The following PCDHGA3 variants were observed in gnomAD, a reference collection of about 807,000 sequenced individuals.
PCDHGA3 encodes protocadherin gamma-A3.
Under a neutral mutation model 58.5 loss-of-function variants are expected in PCDHGA3, and 40 were observed. The observed-to-expected ratio is 0.68, with a 90% CI of 0.53 to 0.89. The LOEUF (loss-of-function observed/expected upper bound fraction) is 0.89. Among genes scored for constraint, PCDHGA3 ranks in the 40% least tolerant of loss-of-function variants. The probability of loss-of-function intolerance (pLI) is 0.00; values close to 1 mark genes in which losing one functional copy is unlikely to be tolerated. For synonymous variants in PCDHGA3, 530 were observed against 525.7 expected (o/e 1.01, Z -0.11); for missense variants, 1,223 against 1,195.9 (o/e 1.02, Z -0.33).
chr5:141,360,688 A>T, intron 1 of PCDHGA3: 1 of 1,613,902 alleles, frequency 6.2e-7, no homozygotes, highest in Non-Finnish European at 8.5e-7. Context: ...TGAGAAACAG[A>T]CTCCAGATGG....
chr5:141,357,627 T>A, intron 1 of PCDHGA3: 1 of 1,613,408 alleles, frequency 6.2e-7, no homozygotes, highest in South Asian at 1.1e-5. Flanking sequence ...TTCAGGTGAG[T>A]CAATCTTATA....
intron 1 of PCDHGA3, chr5:141,375,115 A>G (rs987989099): frequency 1.2e-6 from 2 of 1,613,958 alleles, no homozygotes; most frequent in Non-Finnish European, 1.7e-6. Flanking sequence ...ATGATAATGT[A>G]CCAGAAGTGG....
intron 1 of PCDHGA3, chr5:141,398,042 T>C: frequency 6.7e-7 from 1 of 1,495,000 alleles, no homozygotes; most frequent in East Asian, 2.4e-5. Context: ...CTAAAGCCCG[T>C]TCGGAGATCC....
chr5:141,372,357 T>C (rs756040915), intron 1 of PCDHGA3: 19 of 1,613,806 alleles, frequency 1.2e-5, no homozygotes, highest in Non-Finnish European at 1.4e-5. Context: ...GCAGCCTCTT[T>C]CAGCCACCGT....
chr5:141,402,281 C>A (rs1589453227), intron 1 of PCDHGA3, among the ~76,000 whole-genome samples: 1 of 151,846 alleles, frequency 6.6e-6, no homozygotes, highest in African/African-American at 2.4e-5. Flanking sequence ...AGTGGATAAT[C>A]TATCCTTATA....
chr5:141,404,555 A>G (rs751841732), intron 1 of PCDHGA3: 1 of 1,613,802 alleles, frequency 6.2e-7, no homozygotes, highest in African/African-American at 1.3e-5. Flanking sequence ...GGTGACGGCA[A>G]GTGACAGTGG....
chr5:141,394,962 A>G (rs971000405), intron 1 of PCDHGA3: 8 of 1,613,710 alleles, frequency 5.0e-6, no homozygotes, highest in Non-Finnish European at 6.8e-6. Context: ...GCTCAGGCTG[A>G]GGCGCTGGCA....
chr5:141,485,543 G>C lies in PCDHGA3; in HGVS notation c.2425-9264G>C. 1.9e-6 allele frequency: 3 copies of C among 1,614,092 alleles called. No homozygotes were observed. The highest frequency in any genetic ancestry group is 2.5e-6 in the Non-Finnish European group (3 of 1,179,972). On this transcript the variant is annotated intron_variant, in intron 1 of 3. Coordinates refer to ENST00000253812, the MANE Select transcript of PCDHGA3 (RefSeq NM_018916.4). This position sits in a 1 kb window ranked among gnomAD's most constrained non-coding sequence, Gnocchi z 5.7. Reference sequence around the variant, plus strand: ...AATGTACCGAGCAGAGGTAGAGATCGTAGATGTGAATGATCACGCCCCCCG... The same window carrying C: ...AATGTACCGAGCAGAGGTAGAGATCCTAGATGTGAATGATCACGCCCCCCG...
At chr5:141,375,232 C>A in intron 1 of PCDHGA3, 1 of 1,613,986 alleles carries the variant, frequency 6.2e-7, no homozygotes, top group South Asian at 1.1e-5. Context: ...GCCTGGTAAC[C>A]TGTTCCATCC....
At chr5:141,510,862 C>T (rs764422869) in intron 3 of PCDHGA3, 85 bp from the exon 4 acceptor site, 22 of 1,606,772 alleles carry the variant, frequency 1.4e-5, no homozygotes, top group Non-Finnish European at 1.7e-5. Flanking sequence ...GCTGTATAGG[C>T]ATTCATTAAC....
chr5:141,349,032 C>A (rs894627559), intron 1 of PCDHGA3, among the ~76,000 whole-genome samples: 2 of 152,110 alleles, frequency 1.3e-5, no homozygotes, highest in Non-Finnish European at 2.9e-5. Flanking sequence ...ACTCGTTTTG[C>A]TCATTAATGG....
chr5:141,489,077 C>G lies in PCDHGA3; in HGVS notation c.2425-5730C>G, dbSNP rs957205894. On this transcript the variant is annotated intron_variant, in intron 1 of 3. Coordinates refer to ENST00000253812, the MANE Select transcript of PCDHGA3 (RefSeq NM_018916.4). The surrounding 1 kb of genome is among the most constrained non-coding windows in gnomAD (Gnocchi z 4.5). The stretch of plus-strand genomic sequence containing the variant: ...AGCTCCCCTCCCCCCTGCCCACCCC[C>G]GCCACTCGGTGACTAAGAACTGCTG... 7 of 325,684 alleles carry G rather than the reference C, an allele frequency of 2.1e-5. No homozygotes were observed. Among genetic ancestry groups the G allele is most frequent in the Non-Finnish European group, 3.9e-5 (7 of 181,468 alleles). The allele number at this position is 325,684 out of a possible 1,614,324, so 20.2% of individuals were successfully genotyped here.
chr5:141,349,181 T>C (rs577571036), intron 1 of PCDHGA3, among the ~76,000 whole-genome samples: 94 of 152,272 alleles, frequency 6.2e-4, no homozygotes, highest in Middle Eastern at 3.4e-3. Flanking sequence ...GTGATTCTGC[T>C]GCCTCAACCT....
At position 141,490,776 on chromosome 5, in the gene PCDHGA3, G is replaced by A. The variant is rs1234115299; in HGVS notation, c.2425-4031G>A. 4.3e-6 allele frequency: 7 copies of A among 1,614,162 alleles called. No individual in the cohort carries two copies. Among genetic ancestry groups the A allele is most frequent in the African/African-American group, 1.3e-5 (1 of 75,066 alleles). On this transcript the variant is annotated intron_variant, in intron 1 of 3. Transcript: ENST00000253812. This position sits in a 1 kb window ranked among gnomAD's most constrained non-coding sequence, Gnocchi z 5.4. ...CCTCCTTTGTGTATGTCAACCCAGA[G>A]GATGGACGGATCTTTGCCCAGCGTA...
At chr5:141,396,104 A>T (rs1423560620) in intron 1 of PCDHGA3, 1 of 152,258 alleles carries the variant, frequency 6.6e-6, no homozygotes, top group African/African-American at 2.4e-5. Flanking sequence ...TGTTGATATT[A>T]AGAACCAATG....
At position 141,487,329 on chromosome 5, in the gene PCDHGA3, C is replaced by T; in HGVS notation, c.2425-7478C>T. On this transcript the variant is annotated intron_variant, in intron 1 of 3. Coordinates refer to ENST00000253812, the MANE Select transcript of PCDHGA3 (RefSeq NM_018916.4). This position sits in a 1 kb window ranked among gnomAD's most constrained non-coding sequence, Gnocchi z 5.0. Reference sequence around the variant, plus strand: ...CTACTCTCTAAGTGTCTTCGTGGGGCAGCCTGTGGAGTCACATGCTTTCCT... The same window carrying T: ...CTACTCTCTAAGTGTCTTCGTGGGGTAGCCTGTGGAGTCACATGCTTTCCT... 1 of 1,614,170 alleles carries T rather than the reference C, an allele frequency of 6.2e-7. No homozygotes were observed. The highest frequency in any genetic ancestry group is 1.1e-5 in the South Asian group (1 of 91,070).
At position 141,392,919 on chromosome 5, in the gene PCDHGA3, C is replaced by T. The variant is rs1220575114; in HGVS notation, c.2424+46462C>T. On this transcript the variant is annotated intron_variant, in intron 1 of 3. Coordinates refer to ENST00000253812, the MANE Select transcript of PCDHGA3 (RefSeq NM_018916.4). The stretch of plus-strand genomic sequence containing the variant: ...GAGGGGACAGATTCGCTACTCTGTG[C>T]CAGAAGAGACGGACAAAGGCTCCTT... 5.0e-6 allele frequency: 8 copies of T among 1,613,762 alleles called. No individual in the cohort carries two copies. The African/African-American group carries it at 1.1e-4, about 22-fold the overall frequency.
chr5:141,361,612 G>A (rs1485952478), intron 1 of PCDHGA3: 2 of 1,613,984 alleles, frequency 1.2e-6, no homozygotes, highest in Admixed American at 1.7e-5. Flanking sequence ...CTCCATCGTA[G>A]CGAGCGACCT....
chr5:141,474,993 C>A (rs1313232385), intron 1 of PCDHGA3, among the ~76,000 whole-genome samples: 24 of 152,324 alleles, frequency 1.6e-4, no homozygotes. Context: ...GACAACAATT[C>A]TAAATGCAGA....
Sources: allele counts gnomAD v4.1 joint callset (sites outside exome capture counted in the v4.1 genomes callset), GRCh38; gene constraint gnomAD v4.1.1; non-coding constraint Gnocchi (gnomAD v3.1); transcripts MANE v1.5; gene names NCBI Gene and HGNC (gene_info 2026-07-23, HGNC 2026-07-21).